MCF2L2: variants seen among roughly 807,000 people sequenced by gnomAD.
The protein encoded by MCF2L2 is probable guanine nucleotide exchange factor MCF2L2.
A neutral mutation model predicts 150.2 loss-of-function variants in MCF2L2; 102 were observed. The observed-to-expected ratio is 0.68, with a 90% confidence interval of 0.58 to 0.80. The LOEUF (loss-of-function observed/expected upper bound fraction) is 0.80, where lower values mean the gene tolerates loss of function less well. Among genes scored for constraint, MCF2L2 ranks in the 30% least tolerant of loss-of-function variants. The probability of loss-of-function intolerance (pLI) is 0.00; values close to 1 mark genes in which losing one functional copy is unlikely to be tolerated. For synonymous variants in MCF2L2, 465 were observed against 491.3 expected (o/e 0.95, Z 0.71); for missense variants, 1,256 against 1,372.8 (o/e 0.91, Z 1.34).
At chr3:183,393,805 T>C (rs1045127986) in intron 1 of MCF2L2, among the ~76,000 whole-genome samples, 15 of 152,226 alleles carry the variant, frequency 9.9e-5, no homozygotes, top group African/African-American at 3.4e-4. Context: ...GAGAGCAGCA[T>C]GCGCTCTGGA....
chr3:183,208,680 C>A lies in MCF2L2; in HGVS notation c.2497-857G>T, dbSNP rs76141799. Among the ~76,000 whole-genome samples the A allele has an allele frequency of 2.9e-3, 441 of 152,236 alleles. 2 individuals are homozygous for A. Among genetic ancestry groups the A allele is most frequent in the African/African-American group, 0.01 (433 of 41,538 alleles). On this transcript the variant is annotated intron_variant, in intron 22 of 29. Coordinates refer to ENST00000328913, the MANE Select transcript of MCF2L2 (RefSeq NM_015078.4). ...AATTCATTTCCCTGAATAAAAACAC[C>A]AAAAGGAACAAATTATTTGAAGGGG...
chr3:183,320,850 A>C (rs1313554606), intron 6 of MCF2L2, among the ~76,000 whole-genome samples: 1 of 152,310 alleles, frequency 6.6e-6, no homozygotes. Flanking sequence ...CATTAAGCTT[A>C]ATCGTTTCAA....
chr3:183,347,390 T>C (rs1190847895), intron 3 of MCF2L2, among the ~76,000 whole-genome samples: 1 of 152,108 alleles, frequency 6.6e-6, no homozygotes, highest in African/African-American at 2.4e-5. Flanking sequence ...CCTTACAACT[T>C]ATACAAAAAT....
intron 1 of MCF2L2, among the ~76,000 whole-genome samples, chr3:183,397,207 TA>T (rs1714515079): frequency 6.6e-6 from 1 of 152,224 alleles, no homozygotes; most frequent in Non-Finnish European, 1.5e-5. Flanking sequence ...TTCGACTGGG[TA>T]ATTTACAAAT....
chr3:183,239,730 A>C (rs1723927047), intron 15 of MCF2L2, among the ~76,000 whole-genome samples: 1 of 152,226 alleles, frequency 6.6e-6, no homozygotes, highest in South Asian at 2.1e-4. Flanking sequence ...CATGTCAGAA[A>C]GCATTACAGA....
At position 183,205,196 on chromosome 3, in the gene MCF2L2, T is replaced by C. The variant is rs144017864; in HGVS notation, c.2884+680A>G. ...GAGATCAAGACCATCCTGCCCAACA[T>C]GGTGACACCCTGTCTCTACTACAAA... On this transcript the variant is annotated intron_variant, in intron 25 of 29. Coordinates refer to ENST00000328913, the MANE Select transcript of MCF2L2 (RefSeq NM_015078.4). Among the ~76,000 whole-genome samples, 1,031 of 152,204 alleles carry C rather than the reference T, an allele frequency of 6.8e-3. 13 individuals carry two copies. Among genetic ancestry groups the C allele is most frequent in the African/African-American group, 0.023 (948 of 41,522 alleles).
chr3:183,382,704 G>C (rs1482823853), intron 2 of MCF2L2, among the ~76,000 whole-genome samples: 1 of 152,174 alleles, frequency 6.6e-6, no homozygotes, highest in East Asian at 1.9e-4. Flanking sequence ...TAAGTAAAAT[G>C]ATAACTTAAA....
At chr3:183,301,952 T>G (rs148074511) in intron 10 of MCF2L2, among the ~76,000 whole-genome samples, 167 of 152,302 alleles carry the variant, frequency 1.1e-3, no homozygotes, top group Non-Finnish European at 1.8e-3. Context: ...CTGAACTGTT[T>G]GTGCAAACAG....
chr3:183,310,500 T>G, intron 9 of MCF2L2: 1 of 261,094 alleles, frequency 3.8e-6, no homozygotes. Flanking sequence ...AGACTCCAAC[T>G]CAAAAAAAAA....
chr3:183,310,919 C>G lies in MCF2L2; in HGVS notation c.989G>C (p.Cys330Ser), dbSNP rs781366735. 8 of 1,610,698 alleles carry G rather than the reference C, an allele frequency of 5.0e-6. No homozygotes were observed. The South Asian group carries it at 8.8e-5, about 18-fold the overall frequency. ...CAGTAAACAAGAAAAGAATACCTTA[C>G]AAAAATCGTGCTCAAAATGCTGTAG... is the stretch of plus-strand genomic sequence containing the variant. ...LQLQHFEHDF[C>S]KAKLALDNLL... The change falls in exon 9 of 30, where the codon TGT becomes TCT. Residue 330 changes from cysteine to serine, a missense_variant. Physicochemically the swap from Cys to Ser is moderately radical, Grantham distance 112 (BLOSUM62 -1). Coordinates refer to ENST00000328913, the MANE Select transcript of MCF2L2 (RefSeq NM_015078.4).
chr3:183,370,581 C>T (rs2108576497), intron 3 of MCF2L2, among the ~76,000 whole-genome samples: 1 of 152,284 alleles, frequency 6.6e-6, no homozygotes, highest in Non-Finnish European at 1.5e-5. Flanking sequence ...GAATAGATGA[C>T]GCAAAGGCAG....
chr3:183,252,889 C>T (rs531942224), intron 15 of MCF2L2, among the ~76,000 whole-genome samples: 20 of 152,292 alleles, frequency 1.3e-4, no homozygotes, highest in African/African-American at 4.8e-4. Flanking sequence ...AAATCAAGCG[C>T]ATCCAGGATT....
Position 183,341,646 on chromosome 3 carries a change from G to T in MCF2L2, c.276-16C>A, listed in dbSNP as rs1315096424. On this transcript the variant is annotated splice_polypyrimidine_tract_variant and intron_variant, in intron 3 of 29. Transcript: ENST00000328913. The stretch of plus-strand genomic sequence containing the variant: ...AGCCTCCACACTGCAAAGAAGGGTG[G>T]TCAGTGTCAGAGATTAGGTGAGACC... 4 of 1,587,250 alleles carry T rather than the reference G, an allele frequency of 2.5e-6. No individual in the cohort carries two copies. Among genetic ancestry groups the T allele is most frequent in the Non-Finnish European group, 3.5e-6 (4 of 1,155,596 alleles).
intron 27 of MCF2L2, among the ~76,000 whole-genome samples, chr3:183,188,504 A>G (rs759161684): frequency 6.6e-6 from 1 of 152,172 alleles, no homozygotes; most frequent in South Asian, 2.1e-4. Flanking sequence ...ATCCTGAGGG[A>G]CAGCACTCCA....
chr3:183,364,361 A>G (rs994469885), intron 3 of MCF2L2, among the ~76,000 whole-genome samples: 3 of 136,912 alleles, frequency 2.2e-5, no homozygotes, highest in Non-Finnish European at 3.3e-5. Context: ...CTAAAAATAC[A>G]AAAAAAAAAT....
rs553096121 is a variant in MCF2L2 at position 183,318,754 on chromosome 3, G to A, written c.604-537C>T. On this transcript the variant is annotated intron_variant, in intron 6 of 29. Coordinates refer to ENST00000328913, the MANE Select transcript of MCF2L2 (RefSeq NM_015078.4). ...ATTCTTTTGTGTCCTAGTGCAAAGG[G>A]AAGTTATGTTTACAGTATACTGTAG... is the stretch of plus-strand genomic sequence containing the variant. Among the ~76,000 whole-genome samples the A allele has an allele frequency of 2.6e-5, 4 of 152,292 alleles. No individual in the cohort carries two copies. The East Asian group carries it at 5.8e-4, about 22-fold the overall frequency.
At chr3:183,233,728 T>C (rs925588653) in intron 15 of MCF2L2, among the ~76,000 whole-genome samples, 7 of 152,180 alleles carry the variant, frequency 4.6e-5, no homozygotes, top group Non-Finnish European at 8.8e-5. Flanking sequence ...TACATCTTAC[T>C]CTATACCCTT....
intron 3 of MCF2L2, among the ~76,000 whole-genome samples, chr3:183,353,283 G>A (rs779198361): frequency 1.3e-5 from 2 of 152,128 alleles, no homozygotes; most frequent in Non-Finnish European, 2.9e-5. Context: ...GGATACTTCC[G>A]CTTTACAGAA....
At chr3:183,229,002 C>T (rs984105493) in intron 17 of MCF2L2, among the ~76,000 whole-genome samples, 4 of 152,088 alleles carry the variant, frequency 2.6e-5, no homozygotes, top group African/African-American at 9.7e-5. Flanking sequence ...TTCAGTTTTG[C>T]GTCTGACCAA....
Sources: allele counts gnomAD v4.1 joint callset (sites outside exome capture counted in the v4.1 genomes callset), GRCh38; gene constraint gnomAD v4.1.1; transcripts MANE v1.5; gene names NCBI Gene and HGNC (gene_info 2026-07-23, HGNC 2026-07-21).